Variants in FAAH2 observed in about 807,000 individuals in gnomAD.
The protein encoded by FAAH2 is fatty-acid amide hydrolase 2.
FAAH2 carries 60 observed loss-of-function variants against 36.9 expected under a neutral mutation model. The ratio of observed to expected loss-of-function variants is 1.63; its 90% CI spans 1.32 to 2.02. The LOEUF (loss-of-function observed/expected upper bound fraction) is 2.02, where lower values mean the gene tolerates loss of function less well. FAAH2 is among the 30% of genes most tolerant of loss of function. The pLI is 0.00. For missense variants in FAAH2, 689 were observed against 397.5 expected (o/e 1.73, Z -6.23); for synonymous variants, 214 against 143.8 (o/e 1.49, Z -3.49).
chrX:57,304,552 T>A (rs1476129101), intron 2 of FAAH2, among the ~76,000 whole-genome samples: 2 of 111,950 alleles, frequency 1.8e-5, no homozygotes, highest in Admixed American at 1.9e-4. Context: ...GTAAACCAAT[T>A]TTTGGCAAGG....
intron 2 of FAAH2, 49 bp from the exon 3 acceptor site, chrX:57,310,544 G>A (rs1475938385): frequency 8.6e-7 from 1 of 1,158,462 alleles, no homozygotes; most frequent in Non-Finnish European, 1.2e-6. Flanking sequence ...AATAAAGTTG[G>A]TTGGATGACT....
intron 7 of FAAH2, chrX:57,392,567 T>C (rs771746639): frequency 2.4e-6 from 2 of 818,916 alleles, no homozygotes; most frequent in South Asian, 4.2e-5. Context: ...GCCTTATACT[T>C]CCTAACTCCC....
chrX:57,318,996 A>T (rs1042206457), intron 3 of FAAH2, among the ~76,000 whole-genome samples: 3 of 111,801 alleles, frequency 2.7e-5, no homozygotes, highest in Non-Finnish European at 5.6e-5. Context: ...ACTCTCAATA[A>T]AGTAGGTATT....
At chrX:57,154,484 G>A in the FAAH2 span, among the ~76,000 whole-genome samples, 3 of 108,899 alleles carry the variant, frequency 2.8e-5, no homozygotes, top group African/African-American at 1.0e-4. Context: ...TGTTGGCCAG[G>A]CTGGTCTCGA....
intron 10 of FAAH2, among the ~76,000 whole-genome samples, chrX:57,477,913 A>G (rs776850601): frequency 8.9e-6 from 1 of 111,738 alleles, no homozygotes; most frequent in Non-Finnish European, 1.9e-5. Flanking sequence ...GTTGGTTCCA[A>G]GTCTTTGCTA....
At chrX:57,360,829 C>A (rs1212410424) in intron 5 of FAAH2, among the ~76,000 whole-genome samples, 1 of 110,205 alleles carries the variant, frequency 9.1e-6, no homozygotes, top group Non-Finnish European at 1.9e-5. Context: ...CCTCCCCTCA[C>A]CCCCACCCAC....
At chrX:57,154,334 G>A in the FAAH2 span, among the ~76,000 whole-genome samples, 6 of 103,502 alleles carry the variant, frequency 5.8e-5, no homozygotes, top group East Asian at 3.0e-4. Context: ...ACATGATCTC[G>A]GCTCATTGCA....
At chrX:57,184,520 G>A in the FAAH2 span, among the ~76,000 whole-genome samples, 3 of 111,996 alleles carry the variant, frequency 2.7e-5, no homozygotes, top group African/African-American at 9.7e-5. Context: ...ATTGGGGGTG[G>A]GTTCCCCCAA....
At position 57,401,974 on chromosome X, in the gene FAAH2, G is replaced by C. The variant is rs188641857; in HGVS notation, c.996+20945G>C. On this transcript the variant is annotated intron_variant, in intron 7 of 10. Transcript: ENST00000374900. ...GGCTGGGAGAAGTATCTAGTGACTG[G>C]CTGTCCTAGGACCCCTTGGATAGTG... 5.7e-3 allele frequency among the ~76,000 whole-genome samples: 630 copies of C among 111,375 alleles called. 5 individuals carry two copies. The highest frequency in any genetic ancestry group is 0.02 in the African/African-American group (610 of 30,648).
At chrX:57,155,880 C>T in the FAAH2 span, among the ~76,000 whole-genome samples, 1 of 111,845 alleles carries the variant, frequency 8.9e-6, no homozygotes, top group Non-Finnish European at 1.9e-5. Flanking sequence ...CTGTATTTCA[C>T]TCGGCTCTAT....
the FAAH2 span, among the ~76,000 whole-genome samples, chrX:57,222,421 C>T: frequency 1.8e-5 from 2 of 111,433 alleles, no homozygotes; most frequent in African/African-American, 6.5e-5. Flanking sequence ...GTATTCTAAC[C>T]CAGTCTAAGG....
chrX:57,420,867 T>C (rs2056002093), intron 7 of FAAH2, among the ~76,000 whole-genome samples: 1 of 111,719 alleles, frequency 9.0e-6, no homozygotes, highest in Non-Finnish European at 1.9e-5. Context: ...TTGTCATAGA[T>C]AGCTCTTATT....
the FAAH2 span, among the ~76,000 whole-genome samples, chrX:57,156,677 A>G: frequency 8.9e-6 from 1 of 112,072 alleles, no homozygotes; most frequent in Non-Finnish European, 1.9e-5. Flanking sequence ...CTTGGAAAAG[A>G]TAAGAGAGAA....
chrX:57,399,767 G>A (rs912882412), intron 7 of FAAH2, among the ~76,000 whole-genome samples: 1 of 112,020 alleles, frequency 8.9e-6, no homozygotes, highest in Middle Eastern at 4.2e-3. Flanking sequence ...TGCTGCATGG[G>A]CATGGAGGAC....
chrX:57,159,575 C>T, the FAAH2 span, among the ~76,000 whole-genome samples: 1 of 110,633 alleles, frequency 9.0e-6, no homozygotes, highest in Admixed American at 9.6e-5. Flanking sequence ...AAGTTGGATT[C>T]CTAGGTATTT....
chrX:57,250,028 G>A, the FAAH2 span, among the ~76,000 whole-genome samples: 1 of 111,738 alleles, frequency 8.9e-6, no homozygotes, highest in Non-Finnish European at 1.9e-5. Context: ...TTACCATGAA[G>A]ACTTCATAAA....
At chrX:57,431,839 C>T in intron 7 of FAAH2, 79 bp from the exon 8 acceptor site, 1 of 799,391 alleles carries the variant, frequency 1.3e-6, no homozygotes, top group Non-Finnish European at 1.6e-6. Context: ...TTCTGCTCTG[C>T]CATCTTGCTG....
rs778252044 is a variant in FAAH2, at chrX:57,376,974, T to A, written c.743-1677T>A. The stretch of plus-strand genomic sequence containing the variant: ...ATGTCTTCTTTTGAAAAGTGCCTGT[T>A]CATATCCTTCACCCACTTTTTGATG... On this transcript the variant is annotated intron_variant, in intron 5 of 10. Coordinates refer to ENST00000374900, the MANE Select transcript of FAAH2 (RefSeq NM_174912.4). Among the ~76,000 whole-genome samples, 19 of 112,354 alleles carry A rather than the reference T, an allele frequency of 1.7e-4. No homozygotes were observed. The South Asian group carries it at 6.6e-3, about 39-fold the overall frequency.
chrX:57,145,082 AT>A, the FAAH2 span, among the ~76,000 whole-genome samples: 1 of 111,338 alleles, frequency 9.0e-6, no homozygotes, highest in South Asian at 3.7e-4. Context: ...GGGTAGTGGG[AT>A]TGCTGGATCA....
Sources: allele counts gnomAD v4.1 joint callset (sites outside exome capture counted in the v4.1 genomes callset), GRCh38; gene constraint gnomAD v4.1.1; transcripts MANE v1.5; gene names NCBI Gene and HGNC (gene_info 2026-07-23, HGNC 2026-07-21).